CYP2S1: variants seen among roughly 807,000 people sequenced by gnomAD.
CYP2S1 encodes cytochrome P450 2S1.
Under a neutral mutation model 43.5 loss-of-function variants are expected in CYP2S1, and 32 were observed. The ratio of observed to expected loss-of-function variants is 0.74; its 90% CI spans 0.56 to 0.99. The LOEUF (loss-of-function observed/expected upper bound fraction) is 0.99. Ranked by LOEUF, CYP2S1 falls within the 50% of genes least tolerant of loss-of-function variation. The pLI is 0.00. For missense variants in CYP2S1, 575 were observed against 673.9 expected (o/e 0.85, Z 1.62); for synonymous variants, 283 against 302.9 (o/e 0.93, Z 0.68).
intron 1 of CYP2S1, 47 bp downstream of exon 1, chr19:41,193,488 G>T: frequency 7.2e-7 from 1 of 1,394,140 alleles, no homozygotes. Flanking sequence ...AGGATTCCTG[G>T]GAGAGAAACC....
intron 7 of CYP2S1, among the ~76,000 whole-genome samples, chr19:41,205,342 T>TTTCTTTTTTTC (rs1555727533): frequency 9.0e-6 from 1 of 111,656 alleles, no homozygotes; most frequent in Admixed American, 8.3e-5. Flanking sequence ...TTCTTTCTTT[T>TTTCTTTTTTTC]TTTCTTTCTT....
chr19:41,203,071 G>C (rs1321133554), intron 6 of CYP2S1, among the ~76,000 whole-genome samples: 2 of 151,970 alleles, frequency 1.3e-5, no homozygotes, highest in Non-Finnish European at 2.9e-5. Context: ...CTGCACTCCA[G>C]CCTGGGTGGC....
chr19:41,204,944 C>A (rs562427247), intron 7 of CYP2S1, among the ~76,000 whole-genome samples: 2 of 151,984 alleles, frequency 1.3e-5, no homozygotes, highest in Non-Finnish European at 1.5e-5. Context: ...CACTTCCCCC[C>A]CTGAACCTCA....
chr19:41,193,487 G>A (rs1257159231), intron 1 of CYP2S1, 46 bp downstream of exon 1: 17 of 1,392,664 alleles, frequency 1.2e-5, no homozygotes, highest in Non-Finnish European at 1.5e-5. Flanking sequence ...GAGGATTCCT[G>A]GGAGAGAAAC....
intron 1 of CYP2S1, among the ~76,000 whole-genome samples, chr19:41,194,224 G>A (rs993534883): frequency 6.6e-6 from 1 of 152,060 alleles, no homozygotes; most frequent in African/African-American, 2.4e-5. Flanking sequence ...TATTTGGGGG[G>A]CAGGGAGGGC....
chr19:41,201,476 C>A, intron 6 of CYP2S1, 104 bp downstream of exon 6: 4 of 1,467,168 alleles, frequency 2.7e-6, no homozygotes, highest in Middle Eastern at 1.9e-4. Context: ...GAGGCTGAGG[C>A]GGGCTGATCA....
rs1450101301 is a variant in CYP2S1 at position 41,198,821 on chromosome 19, A to G, written c.767A>G (p.Gln256Arg). The G allele has an allele frequency of 6.2e-7, 1 of 1,614,204 alleles. No individual in the cohort carries two copies. Among genetic ancestry groups the G allele is most frequent in the Non-Finnish European group, 8.5e-7 (1 of 1,180,040 alleles). The stretch of plus-strand genomic sequence containing the variant: ...ACAGTCCGGCAGGTGCAGCAGCACC[A>G]GGGGAACCTGGATGCTTCGGGCCCC... ...AFTVRQVQQH[Q>R]GNLDASGPAR... Residue 256 changes from glutamine (Q) to arginine (R), a missense_variant, in exon 5 of 9, where the codon CAG becomes CGG. Around this residue, in one of 2 missense-constraint regions of CYP2S1, gnomAD observed 353 missense variants for 367.6 expected, o/e 0.96. Transcript: ENST00000310054. The surrounding 1 kb of genome is among the most constrained non-coding windows in gnomAD (Gnocchi z 4.9).
At chr19:41,204,227 A>G (rs180710233) in intron 7 of CYP2S1, among the ~76,000 whole-genome samples, 17 of 152,014 alleles carry the variant, frequency 1.1e-4, no homozygotes, top group Non-Finnish European at 2.5e-4. Flanking sequence ...CTTTGACTCT[A>G]TCTCTGGGCC....
intron 2 of CYP2S1, among the ~76,000 whole-genome samples, chr19:41,197,109 C>T (rs1344840674): frequency 1.5e-4 from 23 of 152,072 alleles, no homozygotes. Flanking sequence ...GCAGGAGAAT[C>T]GCTTGAACCC....
At position 41,193,239 on chromosome 19, in the gene CYP2S1, AGAG is replaced by A. The variant is rs3840911; in HGVS notation, c.-22_-20del. Reference sequence around the variant, plus strand: ...AGCCCAGCCGCGCGGAGCGCCTGGGAGAGGAGAAGGAGCCGACCTGCCGAGATG... The same window carrying A: ...AGCCCAGCCGCGCGGAGCGCCTGGGAGAGAAGGAGCCGACCTGCCGAGATG... On this transcript the variant is annotated 5_prime_UTR_variant, in exon 1 of 9. Coordinates refer to ENST00000310054, the MANE Select transcript of CYP2S1 (RefSeq NM_030622.8). 4.4e-3 allele frequency: 6,603 copies of A among 1,514,026 alleles called. 404 individuals are homozygous for A. The East Asian group carries it at 0.14, about 32-fold the overall frequency. 93.8% of individuals were successfully genotyped at this position (1,514,026 alleles called of 1,614,324 possible). A position where few individuals can be genotyped will look rare whatever the true frequency, so the allele number is the denominator to read the frequency against.
At chr19:41,202,179 G>A (rs532653173) in intron 6 of CYP2S1, among the ~76,000 whole-genome samples, 1 of 152,130 alleles carries the variant, frequency 6.6e-6, no homozygotes, top group African/African-American at 2.4e-5. Flanking sequence ...GTAGAGACAG[G>A]GTTTCCCCAT....
At chr19:41,194,155 C>T (rs35703136) in intron 1 of CYP2S1, among the ~76,000 whole-genome samples, 16,892 of 151,986 alleles carry the variant, frequency 0.11, 1,191 homozygotes, top group East Asian at 0.25. Flanking sequence ...GGGGCGGATA[C>T]TCAGCAGTGT....
rs920894405 is a variant in CYP2S1 at position 41,206,360 on chromosome 19, C to A, written c.1387C>A (p.Leu463Met). 12 of 1,614,042 alleles carry A rather than the reference C, an allele frequency of 7.4e-6. No homozygotes were observed. The highest frequency in any genetic ancestry group is 8.5e-6 in the Non-Finnish European group (10 of 1,180,038). Residue 463 changes from leucine to methionine, a missense_variant, in exon 9 of 9, where the codon CTG becomes ATG. Physicochemically the swap from Leu to Met is conservative, Grantham distance 15. Around this residue, in one of 2 missense-constraint regions of CYP2S1, gnomAD observed 222 missense variants for 306.3 expected, o/e 0.72. Coordinates refer to ENST00000310054, the MANE Select transcript of CYP2S1 (RefSeq NM_030622.8). Reference protein sequence around the residue: ...FFTTILQAFSLESPCPPDTLS... With the variant: ...FFTTILQAFSMESPCPPDTLS... ...CACCACCATCCTACAAGCCTTCTCC[C>A]TGGAGAGCCCGTGCCCGCCGGACAC...
chr19:41,205,447 T>TTC (rs2033562050), intron 7 of CYP2S1, among the ~76,000 whole-genome samples: 1 of 80,190 alleles, frequency 1.2e-5, no homozygotes, highest in Non-Finnish European at 2.6e-5. Context: ...TTTCTTTTCT[T>TTC]TTTCTTTCTC....
intron 1 of CYP2S1, among the ~76,000 whole-genome samples, chr19:41,194,112 G>A (rs1243722030): frequency 8.5e-5 from 13 of 152,144 alleles, no homozygotes; most frequent in African/African-American, 2.9e-4. Flanking sequence ...CTTCAAGGAC[G>A]TAGAAAAAAG....
intron 5 of CYP2S1, among the ~76,000 whole-genome samples, chr19:41,200,409 G>A (rs899586778): frequency 7.3e-5 from 11 of 151,522 alleles, no homozygotes; most frequent in African/African-American, 2.4e-4. Flanking sequence ...GTCTCACTCT[G>A]TCACCCAGGC....
In CYP2S1 at chr19:41,198,064, GGTTCT is replaced by G. The variant is rs1384844719; in HGVS notation, c.493+141_493+145del. 2 of 1,283,484 alleles carry G rather than the reference GGTTCT, an allele frequency of 1.6e-6. No individual in the cohort carries two copies. The highest frequency in any genetic ancestry group is 3.0e-5 in the African/African-American group (2 of 66,390). 79.5% of individuals were successfully genotyped at this position (1,283,484 alleles called of 1,614,324 possible). A position where few individuals can be genotyped will look rare whatever the true frequency, so the allele number is the denominator to read the frequency against. Reference sequence around the variant, plus strand: ...CCTTGAACTCTAGGGCTGGCCTGGGGGTTCTGTTCACTGCCACCTTCTGTCTCTGT... The same window carrying G: ...CCTTGAACTCTAGGGCTGGCCTGGGGGTTCACTGCCACCTTCTGTCTCTGT... On this transcript the variant is annotated intron_variant, in intron 3 of 8. Transcript: ENST00000310054. This position sits in a 1 kb window ranked among gnomAD's most constrained non-coding sequence, Gnocchi z 4.9.
At chr19:41,197,647 A>G in intron 2 of CYP2S1, 132 bp from the exon 3 acceptor site, 1 of 1,357,568 alleles carries the variant, frequency 7.4e-7, no homozygotes, top group South Asian at 1.3e-5. Context: ...TTGCAGTGAG[A>G]CGAGATCACG....
rs1357641992 is a variant in CYP2S1, at chr19:41,206,377, G to T, written c.1404G>T (p.Pro468=). 1.2e-6 allele frequency: 2 copies of T among 1,613,944 alleles called. No homozygotes were observed. The highest frequency in any genetic ancestry group is 8.5e-7 in the Non-Finnish European group (1 of 1,180,028). ...LQAFSLESPC[P]PDTLSLKPTV... is the part of the protein sequence containing the mutation. ...CCTTCTCCCTGGAGAGCCCGTGCCCGCCGGACACCCTGAGCCTCAAGCCCA... is the reference window on the plus strand; with the variant it reads ...CCTTCTCCCTGGAGAGCCCGTGCCCTCCGGACACCCTGAGCCTCAAGCCCA... The change falls in exon 9 of 9, where the codon CCG becomes CCT. Residue 468 remains proline, a synonymous_variant. Transcript: ENST00000310054.
Sources: gnomAD v4.1 joint callset for allele counts (sites outside exome capture counted in the v4.1 genomes callset) on GRCh38, gnomAD v4.1.1 for gene constraint, gnomAD v4.1.1 regional missense constraint, Gnocchi (gnomAD v3.1) non-coding constraint, MANE v1.5 for transcripts, NCBI Gene and HGNC (gene_info 2026-07-23, HGNC 2026-07-21) for gene names.